INSL6: variants seen among roughly 807,000 people sequenced by gnomAD.
The protein encoded by INSL6 is insulin-like peptide INSL6.
INSL6 carries 16 observed loss-of-function variants against 9.4 expected under a neutral mutation model. The observed-to-expected ratio is 1.70, with a 90% CI of 1.15 to 2.59. The LOEUF (loss-of-function observed/expected upper bound fraction) is 2.59, where lower values mean the gene tolerates loss of function less well. INSL6 is among the 30% of genes most tolerant of loss of function. The pLI is 0.00. For synonymous variants in INSL6, 154 were observed against 96.9 expected (o/e 1.59, Z -3.46); for missense variants, 391 against 257.3 (o/e 1.52, Z -3.56).
At chr9:5,127,657 T>G (rs1479448352) in intron 3 of INSL6, 1 of 232,062 alleles carries the variant, frequency 4.3e-6, no homozygotes, top group Non-Finnish European at 8.6e-6. Flanking sequence ...TTGTCATCCT[T>G]TGAGCTGCTG....
At chr9:5,090,630 G>C in the INSL6 span, 2 of 1,531,938 alleles carry the variant, frequency 1.3e-6, no homozygotes, top group Non-Finnish European at 1.8e-6. Context: ...TAGACATTAG[G>C]AAATCATCTA....
rs1824992023 is a variant in INSL6 at position 5,164,152 on chromosome 9, G to A, written c.403C>T (p.His135Tyr). Residue 135 changes from histidine (H) to tyrosine (Y), a missense_variant, in exon 2 of 2, where the codon CAT becomes TAT. Transcript: ENST00000381641. ...TCATGAATATATACATTGATATTAT[G>A]TGATGAAGAAAATTCTCTTGTCTTA... is the stretch of plus-strand genomic sequence containing the variant. ...LGKTREFSSS[H>Y]NINVYIHENA... is the part of the protein sequence containing the mutation. 2 of 1,607,554 alleles carry A rather than the reference G, an allele frequency of 1.2e-6. No homozygotes were observed. Among genetic ancestry groups the A allele is most frequent in the African/African-American group, 1.3e-5 (1 of 74,516 alleles).
At chr9:5,114,286 A>G in the INSL6 span, 1 of 542,678 alleles carries the variant, frequency 1.8e-6, no homozygotes, top group Admixed American at 2.2e-5. Context: ...AGCAAGGAGA[A>G]CGTGAAGCTG....
the INSL6 span, among the ~76,000 whole-genome samples, chr9:5,038,828 C>G: frequency 6.6e-6 from 1 of 152,078 alleles, no homozygotes; most frequent in Non-Finnish European, 1.5e-5. Context: ...GGATTTATCC[C>G]AGGAAATACA....
At chr9:5,111,894 C>T in the INSL6 span, 4 of 356,740 alleles carry the variant, frequency 1.1e-5, no homozygotes, top group Non-Finnish European at 2.2e-5. Flanking sequence ...GCTCTGGGGA[C>T]GCCCTCGGGA....
chr9:5,086,964 A>G, the INSL6 span, among the ~76,000 whole-genome samples: 1 of 152,086 alleles, frequency 6.6e-6, no homozygotes, highest in African/African-American at 2.4e-5. Flanking sequence ...CACTTTCCCT[A>G]TTATTTCCTA....
At chr9:5,120,342 T>G (rs944918934), downstream of INSL6, among the ~76,000 whole-genome samples, 2 of 152,220 alleles carry the variant, frequency 1.3e-5, no homozygotes, top group Non-Finnish European at 2.9e-5. Context: ...CACCTGAATT[T>G]TGGAGGAGAC....
chr9:4,998,442 A>G, the INSL6 span, among the ~76,000 whole-genome samples: 2 of 152,114 alleles, frequency 1.3e-5, no homozygotes, highest in Admixed American at 1.3e-4. Flanking sequence ...TTTTTAGTAG[A>G]GACGGGGTTT....
chr9:5,131,469 C>CTTTTTTTTTTTTTTTTT (rs1554687896), intron 3 of INSL6, among the ~76,000 whole-genome samples: 2 of 105,998 alleles, frequency 1.9e-5, no homozygotes, highest in African/African-American at 1.1e-4. Flanking sequence ...CAGAGTTTTG[C>CTTTTTTTTTTTTTTTTT]TCTTGTCGTC....
chr9:5,006,741 A>G, the INSL6 span, among the ~76,000 whole-genome samples: 1 of 152,236 alleles, frequency 6.6e-6, no homozygotes, highest in African/African-American at 2.4e-5. Context: ...CCCATGACCC[A>G]GTCACCTCTC....
chr9:5,144,681 G>A (rs2130889676), intron 2 of INSL6, among the ~76,000 whole-genome samples: 1 of 152,216 alleles, frequency 6.6e-6, no homozygotes, highest in South Asian at 2.1e-4. Context: ...AACATATTTA[G>A]GATAGTTCCA....
At chr9:5,095,721 T>C in the INSL6 span, among the ~76,000 whole-genome samples, 1 of 152,130 alleles carries the variant, frequency 6.6e-6, no homozygotes. Flanking sequence ...ACGTAAGCGG[T>C]TGAGGAGGAC....
the INSL6 span, among the ~76,000 whole-genome samples, chr9:5,037,997 A>T: frequency 1.3e-5 from 2 of 152,208 alleles, no homozygotes; most frequent in Non-Finnish European, 2.9e-5. Context: ...TAGCGTCACT[A>T]GTTATGAGAA....
At chr9:5,002,836 T>A in the INSL6 span, among the ~76,000 whole-genome samples, 3 of 152,000 alleles carry the variant, frequency 2.0e-5, no homozygotes, top group Admixed American at 6.6e-5. Flanking sequence ...AAATCTTCTA[T>A]GATTAGTGTT....
At chr9:5,068,755 T>C in the INSL6 span, among the ~76,000 whole-genome samples, 6 of 152,036 alleles carry the variant, frequency 3.9e-5, no homozygotes, top group Non-Finnish European at 8.8e-5. Context: ...GGAAAACTAT[T>C]AAGGATGGTA....
intron 2 of INSL6, among the ~76,000 whole-genome samples, chr9:5,136,173 G>GAAAGTTCAGAAAGAATCA (rs1824383841): frequency 6.6e-6 from 1 of 152,182 alleles, no homozygotes; most frequent in East Asian, 1.9e-4. Context: ...TGGATTCACA[G>GAAAGTTCAGAAAGAATCA]CCAAATTCTA....
At chr9:5,142,845 C>T (rs1482323727) in intron 2 of INSL6, among the ~76,000 whole-genome samples, 2 of 152,030 alleles carry the variant, frequency 1.3e-5, no homozygotes, top group Non-Finnish European at 2.9e-5. Context: ...TTGTCATATA[C>T]GGCTCTTGTT....
At chr9:5,136,580 C>G (rs981710730) in intron 2 of INSL6, among the ~76,000 whole-genome samples, 1 of 152,150 alleles carries the variant, frequency 6.6e-6, no homozygotes, top group African/African-American at 2.4e-5. Flanking sequence ...GCCCTTCATG[C>G]TAAAAAGTCT....
At chr9:5,068,020 C>G in the INSL6 span, among the ~76,000 whole-genome samples, 39 of 151,868 alleles carry the variant, frequency 2.6e-4, 1 homozygote, top group Non-Finnish European at 5.3e-4. Flanking sequence ...ATTAGCTGGG[C>G]ATGGTGGTGC....
Sources: allele counts gnomAD v4.1 joint callset (sites outside exome capture counted in the v4.1 genomes callset), GRCh38; gene constraint gnomAD v4.1.1; transcripts MANE v1.5; gene names NCBI Gene and HGNC (gene_info 2026-07-23, HGNC 2026-07-21).